The following PPP2R3B variants were observed in gnomAD, a reference collection of about 807,000 sequenced individuals.
PPP2R3B encodes serine/threonine-protein phosphatase 2A regulatory subunit B'' subunit beta.
In PPP2R3B, 68 loss-of-function variants were observed where a neutral mutation model predicts 72.9. The observed-to-expected ratio is 0.93, with a 90% CI of 0.77 to 1.14. The LOEUF is 1.14. Among genes scored for constraint, PPP2R3B ranks in the 50% most tolerant of loss-of-function variants. The pLI, the probability that PPP2R3B is intolerant of heterozygous loss-of-function variation, is 0.00. For synonymous variants in PPP2R3B, 466 were observed against 375.8 expected (o/e 1.24, Z -2.78); for missense variants, 1,018 against 842.0 (o/e 1.21, Z -2.59).
Position 341,374 on chromosome X carries a change from C to T in PPP2R3B, c.1108G>A (p.Gly370Arg), listed in dbSNP as rs1367308551. Residue 370 changes from glycine (G) to arginine (R), a missense_variant, in exon 9 of 13, where the codon GGG becomes AGG. Transcript: ENST00000390665. ...ACAAAGTCGGCATAGCTGATCTTCC[C>T]TTCCTTCTGCACTTTTCTGCCTCTA... ...VTRGRKVQKEGKISYADFVWF... is the reference protein window; with the variant it reads ...VTRGRKVQKERKISYADFVWF... The T allele has an allele frequency of 3.1e-6, 5 of 1,612,730 alleles. No homozygotes were observed. The highest frequency in any genetic ancestry group is 1.3e-5 in the African/African-American group (1 of 75,060).
chrX:338,507 C>T lies in PPP2R3B; in HGVS notation c.1577+97G>A, dbSNP rs1365149435. 35 of 1,232,748 alleles carry T rather than the reference C, an allele frequency of 2.8e-5. 1 individual carries two copies. Among genetic ancestry groups the T allele is most frequent in the African/African-American group, 1.4e-4 (9 of 66,330 alleles). 76.4% of individuals were successfully genotyped at this position (1,232,748 alleles called of 1,614,324 possible). Reference sequence around the variant, plus strand: ...CCCACCTGACTGACCCCGCATCCCCCGGCTGCACACACACCCGTCCTCCCA... The same window carrying T: ...CCCACCTGACTGACCCCGCATCCCCTGGCTGCACACACACCCGTCCTCCCA... On this transcript the variant is annotated intron_variant, in intron 12 of 12. Transcript: ENST00000390665.
chrX:348,135 C>T (rs909958006), intron 2 of PPP2R3B, among the ~76,000 whole-genome samples: 4 of 152,212 alleles, frequency 2.6e-5, no homozygotes, highest in African/African-American at 4.8e-5. Flanking sequence ...CTTAAATACA[C>T]GCGTGAGGAA....
intron 2 of PPP2R3B, among the ~76,000 whole-genome samples, chrX:353,399 C>T (rs774542478): frequency 3.3e-5 from 5 of 151,974 alleles, no homozygotes; most frequent in Admixed American, 3.3e-4. Flanking sequence ...AAAGATGATA[C>T]AGACAGCCTG....
intron 12 of PPP2R3B, chrX:337,529 G>T (rs2070923306): frequency 6.6e-6 from 1 of 152,278 alleles, no homozygotes. Context: ...AGGCCGGTGG[G>T]GGCCACAGTC....
intron 2 of PPP2R3B, chrX:359,886 C>T (rs369810993): frequency 2.0e-6 from 1 of 504,336 alleles, no homozygotes; most frequent in Non-Finnish European, 3.9e-6. Flanking sequence ...CCTGGACTTA[C>T]CTGAATGTGT....
chrX:347,271 T>C lies in PPP2R3B; in HGVS notation c.680A>G (p.Asn227Ser), dbSNP rs765114891. ...FVHLLMSPGC[N>S]YLVQEDFVPF... ...GACAAAGTCCTCCTGCACCAGGTAG[T>C]TGCAGCCGGGGCTCATGAGCAGATG... Residue 227 changes from asparagine (N) to serine (S), a missense_variant, in exon 4 of 13, where the codon AAC becomes AGC. Asn to Ser is a conservative substitution (Grantham distance 46). Coordinates refer to ENST00000390665, the MANE Select transcript of PPP2R3B (RefSeq NM_013239.5). The C allele has an allele frequency of 6.2e-6, 10 of 1,613,654 alleles. No homozygotes were observed. In the South Asian group the frequency reaches 9.9e-5, roughly 16 times the overall value.
At chrX:363,177 C>T (rs1381541913) in intron 1 of PPP2R3B, among the ~76,000 whole-genome samples, 5 of 151,870 alleles carry the variant, frequency 3.3e-5, no homozygotes, top group East Asian at 1.9e-4. Flanking sequence ...TGATTCAGAA[C>T]GTGACCTCTG....
At chrX:348,720 AACT>A (rs1314083096) in intron 2 of PPP2R3B, among the ~76,000 whole-genome samples, 1 of 152,180 alleles carries the variant, frequency 6.6e-6, no homozygotes, top group Non-Finnish European at 1.5e-5. Context: ...TCAAAAAATA[AACT>A]ACAATAGAAA....
chrX:380,930 TTTTC>T (rs1485780027), intron 1 of PPP2R3B, among the ~76,000 whole-genome samples: 22 of 150,538 alleles, frequency 1.5e-4, no homozygotes, highest in Admixed American at 6.6e-4. Flanking sequence ...GATACTGGCG[TTTTC>T]TTTCTTTTTT....
At chrX:336,745 G>A (rs990761268) in intron 12 of PPP2R3B, 6 of 152,214 alleles carry the variant, frequency 3.9e-5, no homozygotes, top group Non-Finnish European at 7.3e-5. Context: ...CTGGAAACGG[G>A]AACCTTAAAA....
intron 4 of PPP2R3B, 146 bp downstream of exon 4, chrX:347,088 T>G: frequency 1.0e-6 from 1 of 982,750 alleles, no homozygotes; most frequent in Non-Finnish European, 1.6e-6. Flanking sequence ...ACGCGGGCCC[T>G]CCCATGAGGT....
chrX:386,498 G>A lies in PPP2R3B; in HGVS notation c.194C>T (p.Ala65Val). 1.5e-6 allele frequency: 2 copies of A among 1,293,574 alleles called. No individual in the cohort carries two copies. The highest frequency in any genetic ancestry group is 3.0e-4 in the Middle Eastern group (1 of 3,386). The allele number at this position is 1,293,574 out of a possible 1,614,324, so 80.1% of individuals were successfully genotyped here. A position where few individuals can be genotyped will look rare whatever the true frequency, so the allele number is the denominator to read the frequency against. The part of the protein sequence containing the change: ...PGAWPTAPLA[A>V]PRPSGLEPPG... ...GGGTTCGAGCCCGCTGGGCCGGGGG[G>A]CGGCGAGCGGGGCTGTGGGCCAGGC... is the stretch of plus-strand genomic sequence containing the variant. The change falls in exon 1 of 13, where the codon GCC (alanine) becomes GTC (valine). Residue 65 changes from alanine (A) to valine (V), a missense_variant. Transcript: ENST00000390665.
intron 7 of PPP2R3B, chrX:345,224 C>T (rs1471372580): frequency 3.1e-6 from 2 of 646,226 alleles, no homozygotes; most frequent in East Asian, 3.1e-5. Context: ...AAGGAAGCCC[C>T]ACAGCGCTGC....
At chrX:349,601 G>A (rs1403260980) in intron 2 of PPP2R3B, among the ~76,000 whole-genome samples, 1 of 152,210 alleles carries the variant, frequency 6.6e-6, no homozygotes, top group Admixed American at 6.5e-5. Flanking sequence ...GCAACACACT[G>A]TGTAGACAAT....
chrX:367,647 A>G (rs892584544), intron 1 of PPP2R3B, among the ~76,000 whole-genome samples: 1 of 152,216 alleles, frequency 6.6e-6, no homozygotes, highest in Non-Finnish European at 1.5e-5. Flanking sequence ...GCTGAAAAAG[A>G]GCAGGAGACA....
chrX:344,299 T>G (rs1333927764), intron 7 of PPP2R3B, among the ~76,000 whole-genome samples: 35 of 102,904 alleles, frequency 3.4e-4, no homozygotes, highest in African/African-American at 3.9e-4. Context: ...GAGGCCGGAG[T>G]GAGACCTCAC....
chrX:335,739 T>A (rs937876771), intron 12 of PPP2R3B: 2 of 152,148 alleles, frequency 1.3e-5, no homozygotes, highest in African/African-American at 4.8e-5. Flanking sequence ...GCCTCACTGA[T>A]CACACACAAA....
chrX:338,234 CTGGAATGGCCA>C, intron 12 of PPP2R3B: 1 of 407,706 alleles, frequency 2.5e-6, no homozygotes. Flanking sequence ...GAAGCGGAGG[CTGGAATGGCCA>C]CGGGCCCTGC....
At chrX:352,780 G>C (rs1174192915) in intron 2 of PPP2R3B, among the ~76,000 whole-genome samples, 1 of 151,716 alleles carries the variant, frequency 6.6e-6, no homozygotes, top group Non-Finnish European at 1.5e-5. Flanking sequence ...ACCACGGCCG[G>C]CAAGTTCAGC....
Sources: allele counts gnomAD v4.1 joint callset (sites outside exome capture counted in the v4.1 genomes callset), GRCh38; gene constraint gnomAD v4.1.1; transcripts MANE v1.5; gene names NCBI Gene and HGNC (gene_info 2026-07-23, HGNC 2026-07-21).